SAAL1: variants seen among roughly 807,000 people sequenced by gnomAD.
SAAL1 encodes the protein serum amyloid A like 1.
In SAAL1, 42 loss-of-function variants were observed where a neutral mutation model predicts 59.8. The ratio of observed to expected loss-of-function variants is 0.70; its 90% CI spans 0.55 to 0.91. The LOEUF (loss-of-function observed/expected upper bound fraction) is 0.91. Among genes scored for constraint, SAAL1 ranks in the 40% least tolerant of loss-of-function variants. The pLI is 0.00. For synonymous variants in SAAL1, 191 were observed against 194.3 expected (o/e 0.98, Z 0.14); for missense variants, 542 against 561.1 (o/e 0.97, Z 0.34).
Position 18,102,092 on chromosome 11 carries a change from T to C in SAAL1, c.249+1141A>G, listed in dbSNP as rs374635006. On this transcript the variant is annotated intron_variant, in intron 2 of 11. Coordinates refer to ENST00000524803, the MANE Select transcript of SAAL1 (RefSeq NM_138421.3). ...TATCCTGATTACAGTGACAGCTTAA[T>C]CTGCGTACACATCCGTCAAAGTTTA... 1.4e-4 allele frequency among the ~76,000 whole-genome samples: 21 copies of C among 152,302 alleles called. No individual in the cohort carries two copies. In the East Asian group the frequency reaches 1.9e-3, roughly 14 times the overall value.
intron 2 of SAAL1, among the ~76,000 whole-genome samples, chr11:18,100,694 GA>G (rs533528559): frequency 6.6e-6 from 1 of 152,204 alleles, no homozygotes; most frequent in South Asian, 2.1e-4. Context: ...TCTTTAAAAA[GA>G]AAAGATTTCA....
chr11:18,086,990 G>A lies in SAAL1; in HGVS notation c.918C>T (p.Phe306=). Residue 306 remains phenylalanine, a synonymous_variant, in exon 9 of 12, where the codon TTC becomes TTT. Transcript: ENST00000524803. Reference sequence around the variant, plus strand: ...TGATGGGTGGATCATCAGACTGGCAGAATTCATGGCAGACCAGGTCAAAAA... The same window carrying A: ...TGATGGGTGGATCATCAGACTGGCAAAATTCATGGCAGACCAGGTCAAAAA... ...NLLFDLVCHE[F]CQSDDPPIIL... 6.2e-7 allele frequency: 1 copy of A among 1,614,010 alleles called. No homozygotes were observed. The highest frequency in any genetic ancestry group is 1.6e-4 in the Middle Eastern group (1 of 6,062).
rs188582137 is a variant in SAAL1, at chr11:18,096,615, A to G, written c.333+156T>C. Reference sequence around the variant, plus strand: ...AAAATAAAATAAATTTAAATAGCAAATTACCTAGGACCTGGCAATGTTCAA... The same window carrying G: ...AAAATAAAATAAATTTAAATAGCAAGTTACCTAGGACCTGGCAATGTTCAA... On this transcript the variant is annotated intron_variant, in intron 3 of 11. Coordinates refer to ENST00000524803, the MANE Select transcript of SAAL1 (RefSeq NM_138421.3). Among the ~76,000 whole-genome samples, 58 of 152,136 alleles carry G rather than the reference A, an allele frequency of 3.8e-4. 2 individuals are homozygous for G. In the East Asian group the frequency reaches 0.01, roughly 26 times the overall value.
At chr11:18,097,838 G>GAA (rs3993315) in intron 2 of SAAL1, among the ~76,000 whole-genome samples, 1 of 139,884 alleles carries the variant, frequency 7.1e-6, no homozygotes, top group Non-Finnish European at 1.5e-5. Flanking sequence ...AGAAAAAAAG[G>GAA]AAAAAAAAAA....
intron 11 of SAAL1, among the ~76,000 whole-genome samples, chr11:18,080,742 C>T (rs1249377608): frequency 6.6e-6 from 1 of 152,186 alleles, no homozygotes; most frequent in African/African-American, 2.4e-5. Flanking sequence ...TCTGTTCCCA[C>T]ATTCTGTCCT....
chr11:18,102,012 G>C (rs1848639081), intron 2 of SAAL1, among the ~76,000 whole-genome samples: 1 of 152,142 alleles, frequency 6.6e-6, no homozygotes, highest in Non-Finnish European at 1.5e-5. Flanking sequence ...AGAGGCAAGA[G>C]GAAGAGACTA....
intron 6 of SAAL1, 32 bp downstream of exon 6, chr11:18,090,143 A>T: frequency 6.8e-7 from 1 of 1,460,244 alleles, no homozygotes; most frequent in South Asian, 1.2e-5. Context: ...ACAATTTAAA[A>T]CATTTTTTTT....
intron 1 of SAAL1, among the ~76,000 whole-genome samples, chr11:18,105,567 T>C (rs2134068284): frequency 6.6e-6 from 1 of 152,300 alleles, no homozygotes; most frequent in East Asian, 1.9e-4. Flanking sequence ...ATTAAGGACC[T>C]GGGCTTCAGA....
chr11:18,098,281 ATCACAATGTAACTGTGGCAGCC>A (rs1848598541), intron 2 of SAAL1, among the ~76,000 whole-genome samples: 1 of 152,240 alleles, frequency 6.6e-6, no homozygotes, highest in African/African-American at 2.4e-5. Context: ...AAAAATTCTG[ATCACAATGTAACTGTGGCAGCC>A]TCATAACTTC....
At chr11:18,096,594 T>TA (rs1386362144) in intron 3 of SAAL1, among the ~76,000 whole-genome samples, 177 bp downstream of exon 3, 1 of 151,762 alleles carries the variant, frequency 6.6e-6, no homozygotes, top group Non-Finnish European at 1.5e-5. Flanking sequence ...AAAAATAAAA[T>TA]AAAATAAATT....
At position 18,086,932 on chromosome 11, in the gene SAAL1, C is replaced by T. The variant is rs1207393706; in HGVS notation, c.976G>A (p.Val326Ile). 6.2e-7 allele frequency: 1 copy of T among 1,613,864 alleles called. No individual in the cohort carries two copies. Among genetic ancestry groups the T allele is most frequent in the Non-Finnish European group, 8.5e-7 (1 of 1,179,914 alleles). The change falls in exon 9 of 12, where the codon GTT (valine) becomes ATT (isoleucine). Residue 326 changes from valine (V) to isoleucine (I), a missense_variant. By Grantham distance (29) the Val-to-Ile change is conservative. Transcript: ENST00000524803. ...LQEQKTVLAS[V>I]FSVLSAIYAS... is the part of the protein sequence containing the mutation. ...TAGATGGCAGACAACACTGAAAAAA[C>T]AGAGGCTAGCACTGTTTTCTGTTCT...
chr11:18,090,406 TATAGAATTC>T lies in SAAL1; in HGVS notation c.473+19_473+27del. ...TCTTATCTACTCTTATGAGTAACCT[TATAGAATTC>T]ATAAAAGGAAAAGCATACCTGCTTG... On this transcript the variant is annotated intron_variant, in intron 5 of 11. Transcript: ENST00000524803. The T allele has an allele frequency of 6.3e-7, 1 of 1,598,422 alleles. No homozygotes were observed. The highest frequency in any genetic ancestry group is 8.5e-7 in the Non-Finnish European group (1 of 1,176,060).
At chr11:18,104,920 T>C (rs985084888) in intron 1 of SAAL1, among the ~76,000 whole-genome samples, 1 of 151,878 alleles carries the variant, frequency 6.6e-6, no homozygotes, top group Non-Finnish European at 1.5e-5. Flanking sequence ...GTGTAGAAAA[T>C]TGACTGGAGA....
chr11:18,086,976 T>C lies in SAAL1; in HGVS notation c.932A>G (p.Asp311Gly), dbSNP rs1238716720. ...LVCHEFCQSDDPPIILQEQKT... is the reference protein window; with the variant it reads ...LVCHEFCQSDGPPIILQEQKT... Reference sequence around the variant, plus strand: ...CTGTTCTTGAAGAATGATGGGTGGATCATCAGACTGGCAGAATTCATGGCA... The same window carrying C: ...CTGTTCTTGAAGAATGATGGGTGGACCATCAGACTGGCAGAATTCATGGCA... Residue 311 changes from aspartate to glycine, a missense_variant, in exon 9 of 12, where the codon GAT becomes GGT. Physicochemically the swap from Asp to Gly is moderately conservative, Grantham distance 94. Coordinates refer to ENST00000524803, the MANE Select transcript of SAAL1 (RefSeq NM_138421.3). 2.5e-6 allele frequency: 4 copies of C among 1,613,694 alleles called. No individual in the cohort carries two copies. The highest frequency in any genetic ancestry group is 8.5e-7 in the Non-Finnish European group (1 of 1,179,720).
rs1848682658 is a variant in SAAL1 at position 18,105,778 on chromosome 11, C to T, written c.135+129G>A. The T allele has an allele frequency of 2.4e-6, 3 of 1,229,918 alleles. No homozygotes were observed. In the African/African-American group the frequency reaches 4.6e-5, roughly 19 times the overall value. The allele number at this position is 1,229,918 out of a possible 1,614,324, so 76.2% of individuals were successfully genotyped here. On this transcript the variant is annotated intron_variant, in intron 1 of 11. Coordinates refer to ENST00000524803, the MANE Select transcript of SAAL1 (RefSeq NM_138421.3). The stretch of plus-strand genomic sequence containing the variant: ...CCGGCGAAACGCAAGGAGCAAGGTC[C>T]CGCAGCGCACGCCTGGGGAGGGGTC...
rs567376560 is a variant in SAAL1 at position 18,083,928 on chromosome 11, G to C, written c.1043-197C>G. On this transcript the variant is annotated intron_variant, in intron 9 of 11. Transcript: ENST00000524803. ...ATAAAACAGACTATTTCAGGTTTTGGTTAAGTTCTATGAAGGAAATAAAAG... is the reference window on the plus strand; with the variant it reads ...ATAAAACAGACTATTTCAGGTTTTGCTTAAGTTCTATGAAGGAAATAAAAG... Among the ~76,000 whole-genome samples, 34 of 152,302 alleles carry C rather than the reference G, an allele frequency of 2.2e-4. No homozygotes were observed. In the South Asian group the frequency reaches 4.6e-3, roughly 20 times the overall value.
intron 10 of SAAL1, among the ~76,000 whole-genome samples, chr11:18,082,444 A>G (rs563067260): frequency 6.2e-4 from 94 of 151,244 alleles, no homozygotes; most frequent in African/African-American, 2.3e-3. Context: ...ATTTTCACAT[A>G]TAAATAGCAT....
At chr11:18,081,528 T>G in intron 10 of SAAL1, 25 bp from the exon 11 acceptor site, 1 of 1,590,912 alleles carries the variant, frequency 6.3e-7, no homozygotes, top group East Asian at 2.2e-5. Context: ...AGATTTAATG[T>G]CAAAAAAGGA....
chr11:18,096,556 C>A (rs1165196026), intron 3 of SAAL1, among the ~76,000 whole-genome samples: 1 of 151,886 alleles, frequency 6.6e-6, no homozygotes, highest in Non-Finnish European at 1.5e-5. Context: ...GCACTCCAAG[C>A]CCTGGAGACA....
Sources: allele counts gnomAD v4.1 joint callset (sites outside exome capture counted in the v4.1 genomes callset), GRCh38; gene constraint gnomAD v4.1.1; transcripts MANE v1.5; gene names NCBI Gene and HGNC (gene_info 2026-07-23, HGNC 2026-07-21).